The following HNF4G variants were observed in gnomAD, a reference collection of about 807,000 sequenced individuals.
HNF4G encodes hepatocyte nuclear factor 4 gamma.
In HNF4G, 21 loss-of-function variants were observed where a neutral mutation model predicts 50.9. That is an observed-to-expected ratio of 0.41 (90% confidence interval 0.29 to 0.59). The LOEUF (loss-of-function observed/expected upper bound fraction) is 0.59. Among genes scored for constraint, HNF4G ranks in the 20% least tolerant of loss-of-function variants. The pLI is 0.26. For synonymous variants in HNF4G, 198 were observed against 185.6 expected (o/e 1.07, Z -0.54); for missense variants, 527 against 559.4 (o/e 0.94, Z 0.58).
chr8:75,497,957 T>A (rs1351121576), intron 2 of HNF4G, among the ~76,000 whole-genome samples: 1 of 152,082 alleles, frequency 6.6e-6, no homozygotes, highest in African/African-American at 2.4e-5. Flanking sequence ...CCTACTGAAA[T>A]TTTTAAAATA....
At position 75,507,354 on chromosome 8, in the gene HNF4G, G is replaced by A. The variant is rs527329414; in HGVS notation, c.-24+17146G>A. ...GGCTCACTGCAACCTCCACCTCATG[G>A]GTTCAAGCAAATTCTTCTGCCACAG... On this transcript the variant is annotated intron_variant, in intron 2 of 10. Coordinates refer to the HNF4G transcript ENST00000354370. 3.7e-4 allele frequency among the ~76,000 whole-genome samples: 56 copies of A among 151,742 alleles called. 1 individual carries two copies. Among genetic ancestry groups the A allele is most frequent in the Admixed American group, 6.6e-4 (10 of 15,218 alleles).
intron 2 of HNF4G, among the ~76,000 whole-genome samples, chr8:75,545,139 C>CTCA (rs1406846701): frequency 3.9e-5 from 6 of 151,994 alleles, no homozygotes; most frequent in African/African-American, 1.4e-4. Context: ...CCTTCATTCC[C>CTCA]TCATCAAAAA....
chr8:75,511,694 C>G (rs1805755699), intron 2 of HNF4G, among the ~76,000 whole-genome samples: 1 of 152,192 alleles, frequency 6.6e-6, no homozygotes, highest in African/African-American at 2.4e-5. Context: ...GGGTTCACGC[C>G]ATTCTCCTGC....
intron 6 of HNF4G, among the ~76,000 whole-genome samples, chr8:75,557,499 T>A (rs1383514354): frequency 1.3e-5 from 2 of 152,178 alleles, no homozygotes; most frequent in Non-Finnish European, 2.9e-5. Context: ...CGGGAGCCTG[T>A]AATCCCAGCT....
intron 9 of HNF4G, 55 bp from the exon 10 acceptor site, chr8:75,563,919 TG>T: frequency 6.3e-7 from 1 of 1,596,842 alleles, no homozygotes; most frequent in Non-Finnish European, 8.5e-7. Flanking sequence ...TAGGGTTTAA[TG>T]GGGTGAGGAA....
At chr8:75,494,591 A>G (rs956544805) in intron 2 of HNF4G, among the ~76,000 whole-genome samples, 13 of 152,194 alleles carry the variant, frequency 8.5e-5, no homozygotes, top group Non-Finnish European at 1.3e-4. Flanking sequence ...ATGTGCATTT[A>G]GAAACAATCT....
chr8:75,460,078 G>A (rs75866012), intron 1 of HNF4G, among the ~76,000 whole-genome samples: 3 of 149,630 alleles, frequency 2.0e-5, no homozygotes, highest in Non-Finnish European at 3.0e-5. Flanking sequence ...ACGTTCTGAA[G>A]AAAAAAAAAA....
intron 1 of HNF4G, among the ~76,000 whole-genome samples, chr8:75,438,730 T>C (rs1329798339): frequency 6.6e-6 from 1 of 152,146 alleles, no homozygotes; most frequent in Non-Finnish European, 1.5e-5. Flanking sequence ...AAACAATATA[T>C]ATAAAAGAAT....
In HNF4G at chr8:75,476,816, C is replaced by T. The variant is rs1208282344; in HGVS notation, c.-143-13273C>T. On this transcript the variant is annotated intron_variant, in intron 1 of 10. Transcript: ENST00000354370. ...AGCCAGATAAATTCCTTTACCTGCTCTGGGGCAGGTGAATGAATGCATGCA... is the reference window on the plus strand; with the variant it reads ...AGCCAGATAAATTCCTTTACCTGCTTTGGGGCAGGTGAATGAATGCATGCA... 2.0e-5 allele frequency among the ~76,000 whole-genome samples: 3 copies of T among 152,110 alleles called. No individual in the cohort carries two copies. The East Asian group carries it at 5.8e-4, about 29-fold the overall frequency.
At chr8:75,557,207 T>C (rs1404782575) in intron 6 of HNF4G, among the ~76,000 whole-genome samples, 1 of 152,218 alleles carries the variant, frequency 6.6e-6, no homozygotes, top group Non-Finnish European at 1.5e-5. Flanking sequence ...AATAGTTAGG[T>C]AAGCTAACCT....
intron 1 of HNF4G, among the ~76,000 whole-genome samples, chr8:75,466,694 CTCT>C (rs201650110): frequency 0.027 from 3,449 of 127,058 alleles, 83 homozygotes; most frequent in South Asian, 0.046. Flanking sequence ...CCTTCCCTTT[CTCT>C]TCTTCTTTCT....
chr8:75,478,038 G>A (rs1812281210), intron 1 of HNF4G, among the ~76,000 whole-genome samples: 1 of 152,220 alleles, frequency 6.6e-6, no homozygotes, highest in African/African-American at 2.4e-5. Context: ...TAGGCCGGGT[G>A]TGGTGGCTCA....
At chr8:75,440,921 G>C (rs540156065) in intron 1 of HNF4G, among the ~76,000 whole-genome samples, 1 of 152,154 alleles carries the variant, frequency 6.6e-6, no homozygotes, top group African/African-American at 2.4e-5. Context: ...GCATTAAAGT[G>C]ATCATGGCTC....
chr8:75,414,920 G>T (rs1446832006), intron 1 of HNF4G, among the ~76,000 whole-genome samples: 1 of 152,104 alleles, frequency 6.6e-6, no homozygotes, highest in Non-Finnish European at 1.5e-5. Context: ...GGAATAGAAT[G>T]GTTGGATCAT....
intron 1 of HNF4G, among the ~76,000 whole-genome samples, chr8:75,470,286 A>G (rs79095852): frequency 0.065 from 9,906 of 152,298 alleles, 361 homozygotes; most frequent in Middle Eastern, 0.068. Context: ...CCTCATAAAA[A>G]TCAGAGGACA....
At chr8:75,482,676 G>C (rs1167525144) in intron 1 of HNF4G, among the ~76,000 whole-genome samples, 1 of 151,986 alleles carries the variant, frequency 6.6e-6, no homozygotes, top group Admixed American at 6.6e-5. Context: ...GCTGGTTTTT[G>C]TTTTGTTTTG....
intron 1 of HNF4G, among the ~76,000 whole-genome samples, chr8:75,421,097 AT>A (rs1810765011): frequency 6.6e-6 from 1 of 152,246 alleles, no homozygotes; most frequent in Admixed American, 6.5e-5. Context: ...TATATTAAAA[AT>A]ATAATCATTT....
At chr8:75,520,075 AT>A (rs1272612499) in intron 2 of HNF4G, among the ~76,000 whole-genome samples, 2 of 150,464 alleles carry the variant, frequency 1.3e-5, no homozygotes, top group Admixed American at 6.6e-5. Context: ...TTGTTTACTT[AT>A]TTTTTTACAT....
intron 2 of HNF4G, among the ~76,000 whole-genome samples, chr8:75,516,842 TAA>T (rs979687961): frequency 1.3e-5 from 2 of 152,194 alleles, no homozygotes; most frequent in African/African-American, 4.8e-5. Flanking sequence ...TCCTTTTTGT[TAA>T]GTCTTTTTTG....
Sources: gnomAD v4.1 joint callset for allele counts (sites outside exome capture counted in the v4.1 genomes callset) on GRCh38, gnomAD v4.1.1 for gene constraint, MANE v1.5 for transcripts, NCBI Gene and HGNC (gene_info 2026-07-23, HGNC 2026-07-21) for gene names.